TMEM132C: variants seen among roughly 807,000 people sequenced by gnomAD.
The protein encoded by TMEM132C is transmembrane protein 132C, also known as protein phosphatase 1, regulatory subunit 152.
A neutral mutation model predicts 61.4 loss-of-function variants in TMEM132C; 29 were observed. That is an observed-to-expected ratio of 0.47 (90% CI 0.35 to 0.64). The LOEUF is 0.64. TMEM132C is among the 30% of genes least tolerant of loss of function. The pLI, the probability that TMEM132C is intolerant of heterozygous loss-of-function variation, is 0.00. For missense variants in TMEM132C, 1,408 were observed against 1,476.9 expected (o/e 0.95, Z 0.76); for synonymous variants, 656 against 633.1 (o/e 1.04, Z -0.54).
At chr12:128,684,962 G>T (rs1954662879) in intron 5 of TMEM132C, among the ~76,000 whole-genome samples, 1 of 152,166 alleles carries the variant, frequency 6.6e-6, no homozygotes, top group Non-Finnish European at 1.5e-5. Flanking sequence ...GTGAGAACAG[G>T]TACCGGCAAC....
chr12:128,295,013 A>AGATAGATAGAT (rs1566046102), intron 1 of TMEM132C, among the ~76,000 whole-genome samples: 1 of 147,354 alleles, frequency 6.8e-6, no homozygotes, highest in Non-Finnish European at 1.5e-5. Flanking sequence ...GTAGATAGAT[A>AGATAGATAGAT]AGAAGTTCAA....
At chr12:128,687,270 G>C (rs1336171951) in intron 5 of TMEM132C, among the ~76,000 whole-genome samples, 1 of 151,944 alleles carries the variant, frequency 6.6e-6, no homozygotes. Flanking sequence ...GAGCAAGGCA[G>C]GGATTCTCAG....
At chr12:128,665,113 G>T (rs1223669061) in intron 4 of TMEM132C, among the ~76,000 whole-genome samples, 1 of 120,422 alleles carries the variant, frequency 8.3e-6, no homozygotes. Context: ...ACACACACAG[G>T]CACTCACACA....
chr12:128,449,650 G>A (rs1870115723), intron 2 of TMEM132C, among the ~76,000 whole-genome samples: 1 of 152,192 alleles, frequency 6.6e-6, no homozygotes, highest in Admixed American at 6.5e-5. Context: ...ATCTTACTGG[G>A]CTTGGCTATG....
At chr12:128,695,693 C>A in intron 6 of TMEM132C, 137 bp from the exon 7 acceptor site, 1 of 865,450 alleles carries the variant, frequency 1.2e-6, no homozygotes, top group Non-Finnish European at 1.7e-6. Context: ...TAGAGATAGG[C>A]TTGGTGCCCC....
intron 4 of TMEM132C, among the ~76,000 whole-genome samples, chr12:128,632,586 AT>A (rs1182584855): frequency 1.3e-5 from 2 of 152,138 alleles, no homozygotes; most frequent in South Asian, 2.1e-4. Flanking sequence ...AACAGGAGTA[AT>A]TTTTTTCCGA....
rs575961278 is a variant in TMEM132C, at chr12:128,386,025, C to T, written c.86-28707C>T. Among the ~76,000 whole-genome samples the T allele has an allele frequency of 4.7e-4, 72 of 152,102 alleles. 1 individual carries two copies. The South Asian group carries it at 0.014, about 29-fold the overall frequency. On this transcript the variant is annotated intron_variant, in intron 1 of 8. Transcript: ENST00000435159. ...AGCCCCTCACGAAGTATTTGGTTCT[C>T]GCTGGCTCAAAGGGGTTGCTGGTAG...
chr12:128,544,243 C>A, intron 3 of TMEM132C, 140 bp downstream of exon 3: 1 of 1,232,798 alleles, frequency 8.1e-7, no homozygotes, highest in Non-Finnish European at 1.1e-6. Flanking sequence ...AATCTGGAGG[C>A]ATTGATATCC....
At chr12:128,690,001 C>T (rs1251294341) in intron 5 of TMEM132C, among the ~76,000 whole-genome samples, 1 of 152,198 alleles carries the variant, frequency 6.6e-6, no homozygotes, top group African/African-American at 2.4e-5. Context: ...CTGCCTTCCC[C>T]TTGGAAAGTG....
At chr12:128,464,996 A>G (rs1373077228) in intron 2 of TMEM132C, among the ~76,000 whole-genome samples, 5 of 151,910 alleles carry the variant, frequency 3.3e-5, no homozygotes, top group African/African-American at 1.2e-4. Context: ...GAAGGAGGAG[A>G]GTAAATCCGG....
intron 2 of TMEM132C, among the ~76,000 whole-genome samples, chr12:128,500,354 T>G (rs1268453519): frequency 6.6e-6 from 1 of 152,088 alleles, no homozygotes; most frequent in Non-Finnish European, 1.5e-5. Flanking sequence ...CCAGATTTCA[T>G]TAAAATTTTT....
At chr12:128,682,249 CA>C (rs1048469076) in intron 5 of TMEM132C, among the ~76,000 whole-genome samples, 76 of 152,306 alleles carry the variant, frequency 5.0e-4, no homozygotes, top group African/African-American at 1.7e-3. Context: ...GCTGTGGCCA[CA>C]GGGAGCTCCA....
At chr12:128,401,811 T>A (rs1875168123) in intron 1 of TMEM132C, among the ~76,000 whole-genome samples, 2 of 152,240 alleles carry the variant, frequency 1.3e-5, no homozygotes, top group Admixed American at 1.3e-4. Context: ...AGTCTCGTGC[T>A]GTGCAGAAAA....
At chr12:128,664,610 G>A (rs1407576351) in intron 4 of TMEM132C, among the ~76,000 whole-genome samples, 1 of 152,228 alleles carries the variant, frequency 6.6e-6, no homozygotes, top group Non-Finnish European at 1.5e-5. Context: ...GGGGTCGGCA[G>A]GAATTGTACA....
At chr12:128,694,530 T>G (rs1038742500) in intron 6 of TMEM132C, among the ~76,000 whole-genome samples, 8 of 152,066 alleles carry the variant, frequency 5.3e-5, no homozygotes, top group Non-Finnish European at 1.2e-4. Context: ...CATGCAAGAG[T>G]ATGGGGTCTT....
At chr12:128,646,020 C>G (rs1327873082) in intron 4 of TMEM132C, among the ~76,000 whole-genome samples, 1 of 138,734 alleles carries the variant, frequency 7.2e-6, no homozygotes, top group Admixed American at 7.5e-5. Context: ...GAGTGTGTTT[C>G]CTGGAGTCCA....
intron 1 of TMEM132C, among the ~76,000 whole-genome samples, chr12:128,306,141 A>G (rs1376334481): frequency 2.0e-5 from 3 of 152,078 alleles, no homozygotes; most frequent in Non-Finnish European, 4.4e-5. Flanking sequence ...TAGTGACTTC[A>G]GGTTGAAACA....
chr12:128,572,391 C>G (rs1195001050), intron 3 of TMEM132C, among the ~76,000 whole-genome samples: 1 of 151,058 alleles, frequency 6.6e-6, no homozygotes, highest in Non-Finnish European at 1.5e-5. Flanking sequence ...TTAGTCAGAC[C>G]TGGGTCACAT....
chr12:128,296,896 A>G (rs1030353048), intron 1 of TMEM132C, among the ~76,000 whole-genome samples: 2 of 152,126 alleles, frequency 1.3e-5, no homozygotes, highest in African/African-American at 4.8e-5. Flanking sequence ...TAAATAAAAG[A>G]TATTTATCTC....
Sources: gnomAD v4.1 joint callset for allele counts (sites outside exome capture counted in the v4.1 genomes callset) on GRCh38, gnomAD v4.1.1 for gene constraint, MANE v1.5 for transcripts, NCBI Gene and HGNC (gene_info 2026-07-23, HGNC 2026-07-21) for gene names.